The following CNPY1 variants were observed in gnomAD, a reference collection of about 807,000 sequenced individuals.
CNPY1 encodes the protein canopy FGF signaling regulator 1.
CNPY1 carries 14 observed loss-of-function variants against 14.4 expected under a neutral mutation model. That is an observed-to-expected ratio of 0.97 (90% CI 0.64 to 1.52). The LOEUF (loss-of-function observed/expected upper bound fraction) is 1.52. Ranked by LOEUF, CNPY1 falls within the 40% of genes most tolerant of loss-of-function variation. The pLI, the probability that CNPY1 is intolerant of heterozygous loss-of-function variation, is 0.00. For synonymous variants in CNPY1, 43 were observed against 46.5 expected (o/e 0.92, Z 0.31); for missense variants, 129 against 131.5 (o/e 0.98, Z 0.09).
At chr7:155,521,943 G>C (rs770809520) in intron 2 of CNPY1, among the ~76,000 whole-genome samples, 5 of 152,214 alleles carry the variant, frequency 3.3e-5, no homozygotes, top group Non-Finnish European at 5.9e-5. Flanking sequence ...TCTCCGGAAG[G>C]GCAGGTCCCC....
chr7:155,509,785 T>G (rs1363736574), intron 2 of CNPY1, among the ~76,000 whole-genome samples: 1 of 152,116 alleles, frequency 6.6e-6, no homozygotes, highest in Non-Finnish European at 1.5e-5. Flanking sequence ...CTGGTGCACG[T>G]CCCCGCGCGC....
At chr7:155,514,108 G>T (rs775971694) in intron 2 of CNPY1, among the ~76,000 whole-genome samples, 5 of 152,198 alleles carry the variant, frequency 3.3e-5, no homozygotes, top group Non-Finnish European at 5.9e-5. Flanking sequence ...AGGAGAAAGT[G>T]ACAGTACGTA....
chr7:155,533,353 G>A (rs1344099381), intron 2 of CNPY1, among the ~76,000 whole-genome samples: 2 of 152,218 alleles, frequency 1.3e-5, no homozygotes, highest in Non-Finnish European at 2.9e-5. Flanking sequence ...AAAGAGGGAG[G>A]GGAAACAAAA....
intron 2 of CNPY1, among the ~76,000 whole-genome samples, chr7:155,512,375 C>T (rs1272747107): frequency 6.6e-6 from 1 of 152,182 alleles, no homozygotes; most frequent in Non-Finnish European, 1.5e-5. Flanking sequence ...AGATTTGAAC[C>T]CCACCTATAA....
intron 2 of CNPY1, among the ~76,000 whole-genome samples, chr7:155,540,717 C>T (rs979395603): frequency 2.0e-5 from 3 of 152,230 alleles, no homozygotes; most frequent in African/African-American, 7.2e-5. Context: ...GGGTAACACA[C>T]GGCTTGCCCT....
intron 2 of CNPY1, among the ~76,000 whole-genome samples, chr7:155,526,077 G>A (rs1284092848): frequency 2.0e-5 from 3 of 152,160 alleles, no homozygotes; most frequent in Non-Finnish European, 2.9e-5. Flanking sequence ...TACACAGCTA[G>A]AATAAAATGC....
intron 2 of CNPY1, among the ~76,000 whole-genome samples, chr7:155,514,582 G>T (rs1300336646): frequency 6.6e-6 from 1 of 152,146 alleles, no homozygotes; most frequent in Non-Finnish European, 1.5e-5. Context: ...CGGGCATATG[G>T]CAAGACTTCC....
At chr7:155,528,888 G>A (rs563785844) in intron 2 of CNPY1, among the ~76,000 whole-genome samples, 7 of 152,208 alleles carry the variant, frequency 4.6e-5, no homozygotes, top group Admixed American at 6.5e-5. Context: ...ATGAAACTGT[G>A]TCTCTACTAA....
intron 2 of CNPY1, among the ~76,000 whole-genome samples, chr7:155,513,248 A>T (rs1322289238): frequency 2.0e-5 from 3 of 152,262 alleles, no homozygotes; most frequent in Admixed American, 6.5e-5. Context: ...ATACATTTCC[A>T]GTGTTCTGTA....
chr7:155,539,781 AC>A (rs1797063644), intron 2 of CNPY1, among the ~76,000 whole-genome samples: 1 of 152,136 alleles, frequency 6.6e-6, no homozygotes, highest in African/African-American at 2.4e-5. Flanking sequence ...AGACTTAAAT[AC>A]CCTTTTCATG....
intron 2 of CNPY1, among the ~76,000 whole-genome samples, chr7:155,533,345 A>C (rs1344310261): frequency 2.0e-5 from 3 of 152,208 alleles, no homozygotes; most frequent in Non-Finnish European, 4.4e-5. Context: ...CGTTCGTCAA[A>C]GAGGGAGGGG....
intron 2 of CNPY1, among the ~76,000 whole-genome samples, chr7:155,531,895 G>A (rs933768675): frequency 6.6e-6 from 1 of 152,178 alleles, no homozygotes; most frequent in Non-Finnish European, 1.5e-5. Context: ...TCTGGCCACT[G>A]TCAGCCCGGA....
At chr7:155,530,611 T>C (rs1796921190) in intron 2 of CNPY1, among the ~76,000 whole-genome samples, 2 of 152,238 alleles carry the variant, frequency 1.3e-5, no homozygotes, top group Admixed American at 6.5e-5. Flanking sequence ...ATTATAGGTA[T>C]GAACCACTGC....
chr7:155,532,762 T>G (rs1796962994), intron 2 of CNPY1, among the ~76,000 whole-genome samples: 1 of 152,056 alleles, frequency 6.6e-6, no homozygotes, highest in Non-Finnish European at 1.5e-5. Context: ...CCATAATACC[T>G]CTACAATATC....
intron 2 of CNPY1, among the ~76,000 whole-genome samples, chr7:155,511,627 A>G (rs1796533842): frequency 6.6e-6 from 1 of 152,206 alleles, no homozygotes; most frequent in Non-Finnish European, 1.5e-5. Context: ...CAATTTTGTC[A>G]GTCTATGAAG....
At position 155,542,123 on chromosome 7, in the gene CNPY1, C is replaced by A. The variant is rs555783699; in HGVS notation, c.99+3708G>T. On this transcript the variant is annotated intron_variant, in intron 2 of 4. Transcript: ENST00000636446. ...AGTGGGACGCTCGATGTGGAGTATT[C>A]ACAACCCCTGCTGTAGGGCCTGAGA... is the stretch of plus-strand genomic sequence containing the variant. Among the ~76,000 whole-genome samples, 508 of 151,806 alleles carry A rather than the reference C, an allele frequency of 3.3e-3. 1 individual carries two copies. The highest frequency in any genetic ancestry group is 6.8e-3 in the Middle Eastern group (2 of 294).
chr7:155,515,000 A>G (rs1168389761), intron 2 of CNPY1, among the ~76,000 whole-genome samples: 2 of 152,242 alleles, frequency 1.3e-5, no homozygotes, highest in Non-Finnish European at 2.9e-5. Flanking sequence ...TGCGTGCTTC[A>G]TCTCACAGAT....
intron 2 of CNPY1, among the ~76,000 whole-genome samples, chr7:155,523,634 C>T (rs912959784): frequency 3.3e-5 from 5 of 152,262 alleles, no homozygotes; most frequent in South Asian, 2.1e-4. Flanking sequence ...AGAAGGTGGG[C>T]GGGGACAAAG....
chr7:155,523,577 G>A (rs1188702187), intron 2 of CNPY1, among the ~76,000 whole-genome samples: 2 of 152,174 alleles, frequency 1.3e-5, no homozygotes. Context: ...GCAACACGGG[G>A]GCTGGGTCGG....
Sources: gnomAD v4.1 joint callset for allele counts (sites outside exome capture counted in the v4.1 genomes callset) on GRCh38, gnomAD v4.1.1 for gene constraint, MANE v1.5 for transcripts, NCBI Gene and HGNC (gene_info 2026-07-23, HGNC 2026-07-21) for gene names.